Variants in ADAMTS18 observed in about 807,000 individuals in gnomAD.
ADAMTS18 encodes the protein A disintegrin and metalloproteinase with thrombospondin motifs 18.
ADAMTS18 carries 157 observed loss-of-function variants against 165.9 expected under a neutral mutation model. That is an observed-to-expected ratio of 0.95 (90% CI 0.83 to 1.08). ADAMTS18 has a LOEUF of 1.08. Ranked by LOEUF, ADAMTS18 falls within the 50% of genes least tolerant of loss-of-function variation. The pLI is 0.00. For missense variants in ADAMTS18, 2,040 were observed against 1,534.0 expected (o/e 1.33, Z -5.51); for synonymous variants, 782 against 578.2 (o/e 1.35, Z -5.06).
At chr16:77,317,312 A>C (rs2144631143) in intron 16 of ADAMTS18, among the ~76,000 whole-genome samples, 1 of 152,282 alleles carries the variant, frequency 6.6e-6, no homozygotes, top group East Asian at 1.9e-4. Flanking sequence ...AGCTCAGTGC[A>C]TGTGACACAG....
At chr16:77,400,435 T>C (rs2057311447) in intron 3 of ADAMTS18, among the ~76,000 whole-genome samples, 1 of 96,738 alleles carries the variant, frequency 1.0e-5, no homozygotes, top group African/African-American at 3.7e-5. Flanking sequence ...TGTGTGTGTG[T>C]GTGTGTGTGT....
chr16:77,406,821 T>C (rs1329205191), intron 3 of ADAMTS18, among the ~76,000 whole-genome samples: 6 of 152,026 alleles, frequency 3.9e-5, no homozygotes, highest in South Asian at 2.1e-4. Context: ...GACACCATTA[T>C]CCTAAGCAAA....
intron 10 of ADAMTS18, among the ~76,000 whole-genome samples, chr16:77,343,146 C>T (rs891071641): frequency 2.0e-5 from 3 of 151,118 alleles, no homozygotes; most frequent in Admixed American, 1.3e-4. Context: ...CATCTCGGCT[C>T]ACTGCAACCC....
At chr16:77,335,667 A>G in intron 12 of ADAMTS18, 89 bp downstream of exon 12, 2 of 1,503,446 alleles carry the variant, frequency 1.3e-6, no homozygotes, top group South Asian at 2.3e-5. Context: ...AAATAAAAAA[A>G]TAAACTTAAA....
chr16:77,308,114 G>C (rs1409510569), intron 16 of ADAMTS18, among the ~76,000 whole-genome samples: 2 of 152,036 alleles, frequency 1.3e-5, no homozygotes, highest in Non-Finnish European at 2.9e-5. Context: ...TATTACACTA[G>C]GAATGGGCTT....
intron 3 of ADAMTS18, among the ~76,000 whole-genome samples, chr16:77,377,987 A>G (rs1385684364): frequency 1.3e-5 from 2 of 152,336 alleles, no homozygotes; most frequent in East Asian, 3.9e-4. Context: ...AAATGCTGAG[A>G]AAGTCTTTGA....
chr16:77,322,818 T>C (rs1358322487), intron 13 of ADAMTS18, among the ~76,000 whole-genome samples: 1 of 152,168 alleles, frequency 6.6e-6, no homozygotes, highest in Non-Finnish European at 1.5e-5. Context: ...AATGAAGTAG[T>C]GTGGCTGTGT....
At chr16:77,385,416 G>A (rs926522849) in intron 3 of ADAMTS18, among the ~76,000 whole-genome samples, 9 of 152,200 alleles carry the variant, frequency 5.9e-5, no homozygotes, top group African/African-American at 2.2e-4. Flanking sequence ...AGCTGGTGCT[G>A]CATAAATAGC....
chr16:77,356,136 A>T, intron 8 of ADAMTS18, 59 bp from the exon 9 acceptor site: 1 of 1,608,994 alleles, frequency 6.2e-7, no homozygotes, highest in East Asian at 2.2e-5. Flanking sequence ...TTGAAGGATA[A>T]TCTGAGGAAG....
At chr16:77,338,078 A>G (rs1318378850) in intron 11 of ADAMTS18, among the ~76,000 whole-genome samples, 1 of 151,786 alleles carries the variant, frequency 6.6e-6, no homozygotes, top group African/African-American at 2.4e-5. Context: ...TAATTTTTGT[A>G]TTTTTAGCAG....
chr16:77,419,861 A>G (rs1183404114), intron 3 of ADAMTS18, among the ~76,000 whole-genome samples: 2 of 151,862 alleles, frequency 1.3e-5, no homozygotes, highest in African/African-American at 4.8e-5. Flanking sequence ...TTAGCTGGGT[A>G]TGGTAGTGGC....
Position 77,335,780 on chromosome 16 carries a change from TG to T in ADAMTS18, c.1834del (p.Gln612ArgfsTer90), listed in dbSNP as rs2056299512. The T allele has an allele frequency of 6.2e-7, 1 of 1,614,242 alleles. No homozygotes were observed. Among genetic ancestry groups the T allele is most frequent in the Admixed American group, 1.7e-5 (1 of 60,022 alleles). On this transcript the variant is annotated frameshift_variant, in exon 12 of 23. Transcript: ENST00000282849. LOFTEE classifies it high-confidence loss of function. ...CTTGGGGTTATTGCAGTGTCTCTCC[TG>T]GAACTTGACTCCTCCACCACATGTC... ...SRTCGGGVKF[Q>X]ERHCNNPKPQ...
At chr16:77,398,576 G>T (rs928837861) in intron 3 of ADAMTS18, among the ~76,000 whole-genome samples, 1 of 152,172 alleles carries the variant, frequency 6.6e-6, no homozygotes, top group African/African-American at 2.4e-5. Context: ...CATTGGTCTA[G>T]ATCACGGTTT....
At chr16:77,385,408 C>A (rs550190873) in intron 3 of ADAMTS18, among the ~76,000 whole-genome samples, 12 of 152,272 alleles carry the variant, frequency 7.9e-5, no homozygotes, top group African/African-American at 2.4e-4. Flanking sequence ...TGTAACTAAG[C>A]TGGTGCTGCA....
At chr16:77,331,042 G>A (rs1262431428) in intron 12 of ADAMTS18, among the ~76,000 whole-genome samples, 10 of 152,160 alleles carry the variant, frequency 6.6e-5, no homozygotes, top group Admixed American at 6.5e-4. Context: ...GCTTCATGCA[G>A]AGTTAAAGTA....
chr16:77,418,006 G>C (rs569164858), intron 3 of ADAMTS18, among the ~76,000 whole-genome samples: 1 of 152,284 alleles, frequency 6.6e-6, no homozygotes, highest in African/African-American at 2.4e-5. Flanking sequence ...CATCCACGTG[G>C]TTAGGCCCCT....
Position 77,325,851 on chromosome 16 carries a change from T to C in ADAMTS18, c.2032+15A>G, listed in dbSNP as rs369987208. ...CACATAGAGACTTATTTGAATGTCA[T>C]AGAGACCAAATTACCTTCCACTTTT... On this transcript the variant is annotated intron_variant, in intron 13 of 22. Coordinates refer to ENST00000282849, the MANE Select transcript of ADAMTS18 (RefSeq NM_199355.4). 50 of 1,609,778 alleles carry C rather than the reference T, an allele frequency of 3.1e-5. No homozygotes were observed. In the East Asian group the frequency reaches 4.5e-4, roughly 14 times the overall value.
intron 4 of ADAMTS18, among the ~76,000 whole-genome samples, chr16:77,366,221 C>T (rs922234144): frequency 6.6e-6 from 1 of 152,174 alleles, no homozygotes; most frequent in Non-Finnish European, 1.5e-5. Flanking sequence ...TACTGAGCCA[C>T]AGAAGAATTT....
At chr16:77,372,366 TA>T (rs1459162721) in intron 3 of ADAMTS18, among the ~76,000 whole-genome samples, 2 of 152,206 alleles carry the variant, frequency 1.3e-5, no homozygotes, top group Non-Finnish European at 2.9e-5. Context: ...AGAATCAGTC[TA>T]AGTGTCTGTC....
Sources: allele counts gnomAD v4.1 joint callset (sites outside exome capture counted in the v4.1 genomes callset), GRCh38; gene constraint gnomAD v4.1.1; transcripts MANE v1.5; gene names NCBI Gene and HGNC (gene_info 2026-07-23, HGNC 2026-07-21).